The following ADCY2 variants were observed in gnomAD, a reference collection of about 807,000 sequenced individuals.
ADCY2 encodes adenylate cyclase type 2.
A neutral mutation model predicts 125.2 loss-of-function variants in ADCY2; 31 were observed. The ratio of observed to expected loss-of-function variants is 0.25; its 90% CI spans 0.19 to 0.33. The LOEUF (loss-of-function observed/expected upper bound fraction) is 0.33, where lower values mean the gene tolerates loss of function less well. ADCY2 is among the 10% of genes least tolerant of loss of function. The pLI is 1.00. For missense variants in ADCY2, 904 were observed against 1,418.2 expected, an observed-to-expected ratio of 0.64 and a Z score of 5.82; for synonymous variants, 512 against 548.4, an observed-to-expected ratio of 0.93 and a Z score of 0.93.
intron 7 of ADCY2, among the ~76,000 whole-genome samples, chr5:7,706,402 C>T (rs1741266818): frequency 6.6e-6 from 1 of 152,182 alleles, no homozygotes; most frequent in South Asian, 2.1e-4. Flanking sequence ...CATTACAAGG[C>T]AATGTCACGT....
chr5:7,574,024 T>C (rs1736161838), intron 3 of ADCY2, among the ~76,000 whole-genome samples: 1 of 119,706 alleles, frequency 8.4e-6, no homozygotes. Context: ...GGTTTTTTGT[T>C]CTTGCGATAG....
intron 16 of ADCY2, among the ~76,000 whole-genome samples, chr5:7,760,758 A>G (rs1304255371): frequency 6.6e-6 from 1 of 152,190 alleles, no homozygotes; most frequent in Non-Finnish European, 1.5e-5. Flanking sequence ...TGTGTGTGTG[A>G]TTAGAGCACC....
intron 2 of ADCY2, among the ~76,000 whole-genome samples, chr5:7,432,173 C>T: frequency 6.6e-6 from 1 of 152,068 alleles, no homozygotes; most frequent in Non-Finnish European, 1.5e-5. Context: ...GGGAAGATTA[C>T]TCTTCCGCTC....
At chr5:7,594,324 T>C (rs73048195) in intron 3 of ADCY2, among the ~76,000 whole-genome samples, 3,701 of 152,232 alleles carry the variant, frequency 0.024, 145 homozygotes, top group African/African-American at 0.084. Context: ...ATACACCAAC[T>C]AATCTGATGT....
intron 18 of ADCY2, among the ~76,000 whole-genome samples, chr5:7,780,681 T>C (rs1367516956): frequency 6.6e-6 from 1 of 152,218 alleles, no homozygotes; most frequent in Non-Finnish European, 1.5e-5. Flanking sequence ...GTACTTTTCT[T>C]TTTAAAAATA....
At position 7,679,364 on chromosome 5, in the gene ADCY2, T is replaced by A. The variant is rs1346898367; in HGVS notation, c.721-11327T>A. On this transcript the variant is annotated intron_variant, in intron 4 of 24. Coordinates refer to ENST00000338316, the MANE Select transcript of ADCY2 (RefSeq NM_020546.3). Reference sequence around the variant, plus strand: ...GGTGGGATGCCTGGGGTATATCATATCTTGTAATATACTGAAGGGCTTTGG... The same window carrying A: ...GGTGGGATGCCTGGGGTATATCATAACTTGTAATATACTGAAGGGCTTTGG... Among the ~76,000 whole-genome samples, 6 of 152,318 alleles carry A rather than the reference T, an allele frequency of 3.9e-5. No homozygotes were observed. The East Asian group carries it at 1.2e-3, about 29-fold the overall frequency.
chr5:7,520,939 AT>A, intron 3 of ADCY2, 40 bp downstream of exon 3: 1 of 1,609,814 alleles, frequency 6.2e-7, no homozygotes, highest in Admixed American at 1.7e-5. Context: ...GACTTTCCAC[AT>A]CCCACCAGGG....
chr5:7,645,689 G>T (rs1172909375), intron 4 of ADCY2, among the ~76,000 whole-genome samples: 1 of 152,056 alleles, frequency 6.6e-6, no homozygotes, highest in Non-Finnish European at 1.5e-5. Flanking sequence ...AAAAAATGAG[G>T]AAATGATAAG....
intron 3 of ADCY2, among the ~76,000 whole-genome samples, chr5:7,528,844 G>A (rs1422843198): frequency 2.0e-5 from 3 of 152,174 alleles, no homozygotes; most frequent in Non-Finnish European, 2.9e-5. Context: ...TTTTAGGGAG[G>A]GGGTAGTTTG....
At chr5:7,599,653 A>C (rs1371892032) in intron 3 of ADCY2, among the ~76,000 whole-genome samples, 1 of 152,158 alleles carries the variant, frequency 6.6e-6, no homozygotes, top group African/African-American at 2.4e-5. Context: ...TGTATCAACC[A>C]TGGGAGCCAA....
chr5:7,570,439 A>G (rs1579584126), intron 3 of ADCY2, among the ~76,000 whole-genome samples: 1 of 152,288 alleles, frequency 6.6e-6, no homozygotes, highest in East Asian at 1.9e-4. Flanking sequence ...AGTCTAGGCA[A>G]CATTGAGCAG....
chr5:7,707,065 C>T (rs10475387), intron 8 of ADCY2, among the ~76,000 whole-genome samples, 163 bp downstream of exon 8: 49,564 of 152,168 alleles, frequency 0.33, 9,862 homozygotes, highest in Non-Finnish European at 0.45. Context: ...CAGATAAAGA[C>T]GAGCTCTCAA....
intron 2 of ADCY2, among the ~76,000 whole-genome samples, chr5:7,502,516 C>T (rs1743632869): frequency 6.6e-6 from 1 of 152,226 alleles, no homozygotes; most frequent in Non-Finnish European, 1.5e-5. Flanking sequence ...ACAAGGCCCT[C>T]TTCTGTGCTT....
chr5:7,689,154 C>T (rs1428526), intron 4 of ADCY2, among the ~76,000 whole-genome samples: 23,136 of 152,076 alleles, frequency 0.15, 2,610 homozygotes, highest in East Asian at 0.55. Context: ...AAGAAGAATG[C>T]GACAGGGTCT....
At chr5:7,670,858 C>T (rs762531689) in intron 4 of ADCY2, among the ~76,000 whole-genome samples, 6 of 152,222 alleles carry the variant, frequency 3.9e-5, no homozygotes, top group Non-Finnish European at 7.3e-5. Context: ...TCACCTCCTG[C>T]TCTGCGGCCC....
chr5:7,771,643 T>C (rs1743560978), intron 17 of ADCY2, among the ~76,000 whole-genome samples: 1 of 152,170 alleles, frequency 6.6e-6, no homozygotes, highest in Non-Finnish European at 1.5e-5. Context: ...AAGCTCCTAT[T>C]CCCAACTTTT....
At chr5:7,796,021 G>T (rs935940513) in intron 20 of ADCY2, 1 of 152,080 alleles carries the variant, frequency 6.6e-6, no homozygotes, top group African/African-American at 2.4e-5. Context: ...TGCAATATCT[G>T]TGCACTGCAA....
In ADCY2 at chr5:7,746,047, G is replaced by A. The variant is rs113337808; in HGVS notation, c.1956+2295G>A. Among the ~76,000 whole-genome samples, 891 of 152,240 alleles carry A rather than the reference G, an allele frequency of 5.9e-3. 15 individuals are homozygous for A. Among genetic ancestry groups the A allele is most frequent in the African/African-American group, 0.02 (834 of 41,540 alleles). Reference sequence around the variant, plus strand: ...CCTCCTGTGGCCAGCCTGAGGCCCCGGTAAGCTGTCAAGGTGACACCCACA... The same window carrying A: ...CCTCCTGTGGCCAGCCTGAGGCCCCAGTAAGCTGTCAAGGTGACACCCACA... On this transcript the variant is annotated intron_variant, in intron 15 of 24. Transcript: ENST00000338316.
intron 4 of ADCY2, among the ~76,000 whole-genome samples, chr5:7,650,497 G>A (rs1254817223): frequency 1.3e-5 from 2 of 152,128 alleles, no homozygotes; most frequent in Non-Finnish European, 2.9e-5. Context: ...AACTATATAA[G>A]TGGAATGTAG....
Sources: gnomAD v4.1 joint callset for allele counts (sites outside exome capture counted in the v4.1 genomes callset) on GRCh38, gnomAD v4.1.1 for gene constraint, MANE v1.5 for transcripts, NCBI Gene and HGNC (gene_info 2026-07-23, HGNC 2026-07-21) for gene names.